The following ROR2 variants were observed in gnomAD, a reference collection of about 807,000 sequenced individuals.
ROR2 encodes the protein tyrosine-protein kinase transmembrane receptor ROR2.
Under a neutral mutation model 74.9 loss-of-function variants are expected in ROR2, and 33 were observed. That is an observed-to-expected ratio of 0.44 (90% CI 0.33 to 0.59). ROR2 has a LOEUF of 0.59. Among genes scored for constraint, ROR2 ranks in the 20% least tolerant of loss-of-function variants. ROR2 has a pLI of 0.02. For synonymous variants in ROR2, 586 were observed against 558.7 expected (o/e 1.05, Z -0.69); for missense variants, 1,216 against 1,313.8 (o/e 0.93, Z 1.15).
chr9:91,765,781 C>T (rs571475899), intron 2 of ROR2, among the ~76,000 whole-genome samples: 2 of 152,290 alleles, frequency 1.3e-5, no homozygotes, highest in South Asian at 2.1e-4. Flanking sequence ...TGGGTTCCCT[C>T]GTGGCTTGGT....
chr9:91,733,538 GC>G lies in ROR2; in HGVS notation c.623-103del, dbSNP rs1824904477. ...CCTGGCATCCCAGACTGCCCACTCA[GC>G]CCCCTGATGCCCCGCCCCGCCCCAG... On this transcript the variant is annotated intron_variant, in intron 5 of 8. Coordinates refer to ENST00000375708, the MANE Select transcript of ROR2 (RefSeq NM_004560.4). This position sits in a 1 kb window ranked among gnomAD's most constrained non-coding sequence, Gnocchi z 5.7. 1 of 1,239,530 alleles carries G rather than the reference GC, an allele frequency of 8.1e-7. No homozygotes were observed. Among genetic ancestry groups the G allele is most frequent in the Non-Finnish European group, 1.1e-6 (1 of 896,634 alleles). 76.8% of individuals were successfully genotyped at this position (1,239,530 alleles called of 1,614,324 possible).
chr9:91,922,069 G>A (rs7035117), intron 1 of ROR2, among the ~76,000 whole-genome samples: 15,314 of 151,770 alleles, frequency 0.1, 1,392 homozygotes, highest in African/African-American at 0.25. Context: ...ATTAGGACTA[G>A]GACGACTATT....
At chr9:91,772,006 G>C (rs1457453190) in intron 2 of ROR2, among the ~76,000 whole-genome samples, 5 of 152,232 alleles carry the variant, frequency 3.3e-5, no homozygotes, top group Non-Finnish European at 7.3e-5. Flanking sequence ...ATGTGGCCAA[G>C]CGTGACATTC....
At chr9:91,756,743 C>CTTTTTTTTTTTT (rs557043787) in intron 3 of ROR2, among the ~76,000 whole-genome samples, 11 of 104,066 alleles carry the variant, frequency 1.1e-4, no homozygotes, top group Non-Finnish European at 1.7e-4. Context: ...TTTTTGTTCT[C>CTTTTTTTTTTTT]TTTTTTTTTT....
At position 91,915,188 on chromosome 9, in the gene ROR2, C is replaced by T. The variant is rs139795024; in HGVS notation, c.97+34679G>A. On this transcript the variant is annotated intron_variant, in intron 1 of 8. Coordinates refer to ENST00000375708, the MANE Select transcript of ROR2 (RefSeq NM_004560.4). ...CCAACATGAGGACTCTTAGGTGCAG[C>T]GGCCTCCACCTGGCACAGGACCGTG... 5.7e-4 allele frequency among the ~76,000 whole-genome samples: 87 copies of T among 152,270 alleles called. 2 individuals are homozygous for T. In the East Asian group the frequency reaches 0.015, roughly 26 times the overall value.
chr9:91,823,486 C>T (rs1183440690), intron 1 of ROR2, among the ~76,000 whole-genome samples: 3 of 150,176 alleles, frequency 2.0e-5, no homozygotes, highest in Non-Finnish European at 2.9e-5. Flanking sequence ...CATGCCACCA[C>T]GCCAGCTGAT....
At chr9:91,811,628 C>T (rs1272179481) in intron 1 of ROR2, among the ~76,000 whole-genome samples, 1 of 152,202 alleles carries the variant, frequency 6.6e-6, no homozygotes, top group Non-Finnish European at 1.5e-5. Context: ...CCTCATGCAG[C>T]TCTCACCCTG....
chr9:91,898,613 C>A (rs1461068974), intron 1 of ROR2, among the ~76,000 whole-genome samples: 1 of 152,220 alleles, frequency 6.6e-6, no homozygotes, highest in Non-Finnish European at 1.5e-5. Context: ...CAGAGCCCCA[C>A]TTCCCCAGGG....
intron 1 of ROR2, among the ~76,000 whole-genome samples, chr9:91,842,101 G>A (rs1370803907): frequency 6.6e-6 from 1 of 152,156 alleles, no homozygotes; most frequent in East Asian, 1.9e-4. Flanking sequence ...TGCCTGCAAA[G>A]CAAGTGCAGA....
chr9:91,782,797 G>T (rs1444579845), intron 1 of ROR2, among the ~76,000 whole-genome samples: 2 of 152,178 alleles, frequency 1.3e-5, no homozygotes, highest in Admixed American at 6.5e-5. Context: ...TTCAAAAGCA[G>T]AAGATTCTCT....
chr9:91,874,417 T>C lies in ROR2; in HGVS notation c.97+75450A>G, dbSNP rs1007052784. Among the ~76,000 whole-genome samples, 5 of 150,202 alleles carry C rather than the reference T, an allele frequency of 3.3e-5. No individual in the cohort carries two copies. In the East Asian group the frequency reaches 5.9e-4, roughly 18 times the overall value. ...TTAAATTATGTAATTAAGTATTTAA[T>C]TGATGAACTATAAACATTAAAAGTT... On this transcript the variant is annotated intron_variant, in intron 1 of 8. Coordinates refer to ENST00000375708, the MANE Select transcript of ROR2 (RefSeq NM_004560.4).
chr9:91,847,637 G>A (rs538679552), intron 1 of ROR2, among the ~76,000 whole-genome samples: 7 of 152,274 alleles, frequency 4.6e-5, no homozygotes, highest in East Asian at 1.9e-4. Flanking sequence ...CTCCAGAGCC[G>A]CTTTTCTCAT....
At chr9:91,731,900 G>C (rs556640692) in intron 6 of ROR2, among the ~76,000 whole-genome samples, 1 of 152,316 alleles carries the variant, frequency 6.6e-6, no homozygotes, top group Non-Finnish European at 1.5e-5. Flanking sequence ...CAGTGACAGA[G>C]TGAGACTCTG....
chr9:91,906,019 C>CCCA (rs1830805826), intron 1 of ROR2, among the ~76,000 whole-genome samples: 1 of 147,558 alleles, frequency 6.8e-6, no homozygotes, highest in African/African-American at 2.5e-5. Flanking sequence ...AAAAAAAAAA[C>CCCA]CACACACACA....
chr9:91,725,020 G>A lies in ROR2; in HGVS notation c.1474C>T (p.Leu492=), dbSNP rs1225578162. Residue 492 remains leucine, a synonymous_variant, in exon 9 of 9, where the codon CTG becomes TTG. Transcript: ENST00000375708. ...TGCTCCCCCGGGGCAGGGCCGAACA[G>A]GTGACCTTTGTAGACTTTCCCAAAC... ...DRFGKVYKGH[L]FGPAPGEQTQ... 2 of 1,613,814 alleles carry A rather than the reference G, an allele frequency of 1.2e-6. No homozygotes were observed. Among genetic ancestry groups the A allele is most frequent in the African/African-American group, 2.7e-5 (2 of 74,932 alleles).
chr9:91,754,770 G>A (rs964812154), intron 4 of ROR2, among the ~76,000 whole-genome samples: 2 of 152,190 alleles, frequency 1.3e-5, no homozygotes, highest in East Asian at 1.9e-4. Flanking sequence ...TGCTCATGAT[G>A]CAATTTCTTC....
chr9:91,803,852 T>C (rs775527918), intron 1 of ROR2, among the ~76,000 whole-genome samples: 1 of 152,260 alleles, frequency 6.6e-6, no homozygotes, highest in Non-Finnish European at 1.5e-5. Flanking sequence ...TTGCTTTGAC[T>C]GTGCAAGTCC....
At chr9:91,798,873 T>C (rs1220270204) in intron 1 of ROR2, among the ~76,000 whole-genome samples, 2 of 152,124 alleles carry the variant, frequency 1.3e-5, no homozygotes, top group African/African-American at 4.8e-5. Context: ...TGGGTGACCC[T>C]TGGGATTGGA....
At position 91,724,339 on chromosome 9, in the gene ROR2, C is replaced by G. The variant is rs375448033; in HGVS notation, c.2155G>C (p.Ala719Pro). Residue 719 changes from alanine (A) to proline (P), a missense_variant, in exon 9 of 9, where the codon GCC becomes CCC. Ala to Pro is a conservative substitution (Grantham distance 27). Transcript: ENST00000375708. ...TCGATCATGAGGGCATACACCCAGGCGGGACAGTCATCGGGGCAAGGCAGC... is the reference window on the plus strand; with the variant it reads ...TCGATCATGAGGGCATACACCCAGGGGGGACAGTCATCGGGGCAAGGCAGC... ...QVLPCPDDCPAWVYALMIECW... is the reference protein window; with the variant it reads ...QVLPCPDDCPPWVYALMIECW... 6.2e-7 allele frequency: 1 copy of G among 1,613,346 alleles called. No individual in the cohort carries two copies. Among genetic ancestry groups the G allele is most frequent in the South Asian group, 1.1e-5 (1 of 91,086 alleles).
Sources: allele counts gnomAD v4.1 joint callset (sites outside exome capture counted in the v4.1 genomes callset), GRCh38; gene constraint gnomAD v4.1.1; non-coding constraint Gnocchi (gnomAD v3.1); transcripts MANE v1.5; gene names NCBI Gene and HGNC (gene_info 2026-07-23, HGNC 2026-07-21).